GADL1: variants seen among roughly 807,000 people sequenced by gnomAD.
GADL1 encodes the protein acidic amino acid decarboxylase GADL1.
GADL1 carries 71 observed loss-of-function variants against 69.5 expected under a neutral mutation model. The observed-to-expected ratio is 1.02, with a 90% confidence interval of 0.84 to 1.25. The LOEUF (loss-of-function observed/expected upper bound fraction) is 1.25. Ranked by LOEUF, GADL1 falls within the 50% of genes most tolerant of loss-of-function variation. The probability of loss-of-function intolerance (pLI) is 0.00; values close to 1 mark genes in which losing one functional copy is unlikely to be tolerated. For synonymous variants in GADL1, 254 were observed against 214.4 expected (o/e 1.18, Z -1.62); for missense variants, 737 against 631.8 (o/e 1.17, Z -1.79).
intron 14 of GADL1, among the ~76,000 whole-genome samples, chr3:30,764,716 T>A (rs1243119639): frequency 1.3e-5 from 2 of 152,204 alleles, no homozygotes; most frequent in Non-Finnish European, 2.9e-5. Context: ...ATGATAGACA[T>A]GATTAGTACC....
Position 30,739,818 on chromosome 3 carries a change from G to A in GADL1, c.1393-11403C>T, listed in dbSNP as rs148481358. Among the ~76,000 whole-genome samples the A allele has an allele frequency of 3.6e-3, 542 of 152,230 alleles. 4 individuals are homozygous for A. Among genetic ancestry groups the A allele is most frequent in the African/African-American group, 0.013 (525 of 41,546 alleles). ...ATTGAGAAAATGTTAAGTATGAGGT[G>A]TTTGTTCCTCCTGGAAATCTTTATA... On this transcript the variant is annotated intron_variant, in intron 14 of 14. Transcript: ENST00000282538.
At position 30,850,100 on chromosome 3, in the gene GADL1, A is replaced by G. The variant is rs760827851; in HGVS notation, c.547T>C (p.Ser183Pro). The G allele has an allele frequency of 1.2e-5, 19 of 1,587,040 alleles. No individual in the cohort carries two copies. The highest frequency in any genetic ancestry group is 5.0e-5 in the Admixed American group (3 of 59,828). Residue 183 changes from serine (S) to proline (P), a missense_variant, in exon 6 of 15, where the codon TCC (serine) becomes CCC (proline). By Grantham distance (74) the Ser-to-Pro change is moderately conservative. Coordinates refer to ENST00000282538, the MANE Select transcript of GADL1 (RefSeq NM_207359.3). The part of the protein sequence containing the change: ...DGIFNPGGSV[S>P]NMYAMNLARY... ...GCTAAATTCATTGCATACATATTGG[A>G]CACTGAGCCACCTGCAAAAACAAAA...
In GADL1 at chr3:30,873,929, T is replaced by A. The variant is rs190297911; in HGVS notation, c.38-12164A>T. 1.5e-3 allele frequency among the ~76,000 whole-genome samples: 231 copies of A among 152,062 alleles called. 3 individuals are homozygous for A. In the South Asian group the frequency reaches 0.018, roughly 12 times the overall value. On this transcript the variant is annotated intron_variant, in intron 1 of 14. Coordinates refer to ENST00000282538, the MANE Select transcript of GADL1 (RefSeq NM_207359.3). ...GATACAGAAAACTGTACTTACCAAA[T>A]TCCTTTAGAGTTACTAAATGTGATT...
chr3:30,825,532 A>G (rs1362194667), intron 11 of GADL1, among the ~76,000 whole-genome samples: 1 of 151,952 alleles, frequency 6.6e-6, no homozygotes, highest in African/African-American at 2.4e-5. Context: ...ATGTTTTAAG[A>G]TATCTTCCTT....
intron 12 of GADL1, among the ~76,000 whole-genome samples, chr3:30,787,018 G>A (rs1005170421): frequency 6.6e-6 from 1 of 152,110 alleles, no homozygotes; most frequent in African/African-American, 2.4e-5. Flanking sequence ...GACACAGGGA[G>A]GGGAGCAACA....
intron 14 of GADL1, among the ~76,000 whole-genome samples, chr3:30,745,045 G>C (rs1362192142): frequency 4.6e-5 from 7 of 152,124 alleles, no homozygotes; most frequent in Admixed American, 3.3e-4. Context: ...TTAAGTTCTT[G>C]GTTTTCCTAT....
chr3:30,889,124 A>G lies in GADL1; in HGVS notation c.37+5454T>C, dbSNP rs185616856. Among the ~76,000 whole-genome samples the G allele has an allele frequency of 2.8e-3, 396 of 142,370 alleles. 4 individuals carry two copies. Among genetic ancestry groups the G allele is most frequent in the African/African-American group, 1.0e-2 (391 of 39,198 alleles). 93.4% of individuals were successfully genotyped at this position (142,370 alleles called of 152,430 possible). Reference sequence around the variant, plus strand: ...AAAAAAAAAAAAAAAAAGAGGATTAATGGACTCACAGTTCCACATGGCTGG... The same window carrying G: ...AAAAAAAAAAAAAAAAAGAGGATTAGTGGACTCACAGTTCCACATGGCTGG... On this transcript the variant is annotated intron_variant, in intron 1 of 14. Coordinates refer to ENST00000282538, the MANE Select transcript of GADL1 (RefSeq NM_207359.3).
intron 14 of GADL1, among the ~76,000 whole-genome samples, chr3:30,760,299 C>T (rs1390622218): frequency 6.6e-6 from 1 of 152,174 alleles, no homozygotes; most frequent in African/African-American, 2.4e-5. Flanking sequence ...CTTGACCTTA[C>T]ATCTCTTTGT....
intron 14 of GADL1, among the ~76,000 whole-genome samples, chr3:30,766,642 C>A (rs970685595): frequency 1.3e-5 from 2 of 152,254 alleles, no homozygotes; most frequent in Non-Finnish European, 2.9e-5. Context: ...CCAGAACTTT[C>A]ATCCAGGTTT....
intron 14 of GADL1, among the ~76,000 whole-genome samples, chr3:30,764,928 T>G (rs1258278772): frequency 1.7e-5 from 2 of 120,868 alleles, no homozygotes; most frequent in African/African-American, 6.3e-5. Context: ...TAGAACATCC[T>G]GCAAAGAGGG....
intron 14 of GADL1, among the ~76,000 whole-genome samples, chr3:30,763,664 G>C (rs528648448): frequency 6.6e-6 from 1 of 152,076 alleles, no homozygotes; most frequent in African/African-American, 2.4e-5. Context: ...ATAGTGTTGC[G>C]TATCTCAGAA....
chr3:30,740,897 A>AAT (rs1695606764), intron 14 of GADL1, among the ~76,000 whole-genome samples: 3 of 141,948 alleles, frequency 2.1e-5, no homozygotes, highest in South Asian at 2.1e-4. Context: ...TATACAAACA[A>AAT]ACATATATAT....
chr3:30,795,026 A>G (rs1215086151), intron 12 of GADL1, among the ~76,000 whole-genome samples: 2 of 152,176 alleles, frequency 1.3e-5, no homozygotes, highest in African/African-American at 4.8e-5. Flanking sequence ...TATTTTAGCT[A>G]TAAGAGCCTG....
rs527799282 is a variant in GADL1, at chr3:30,882,739, G to T, written c.37+11839C>A. 9.2e-5 allele frequency among the ~76,000 whole-genome samples: 14 copies of T among 151,952 alleles called. No homozygotes were observed. The South Asian group carries it at 2.1e-3, about 23-fold the overall frequency. On this transcript the variant is annotated intron_variant, in intron 1 of 14. Coordinates refer to ENST00000282538, the MANE Select transcript of GADL1 (RefSeq NM_207359.3). ...CTATTTTTTGATTTTTCATTTTAAT[G>T]CTATTTTACATAGCAGTTACACCAT...
chr3:30,891,275 A>AT (rs776323853), intron 1 of GADL1, among the ~76,000 whole-genome samples: 10 of 152,136 alleles, frequency 6.6e-5, no homozygotes, highest in Non-Finnish European at 1.3e-4. Context: ...AGCAGAGCAC[A>AT]TATACATGCC....
chr3:30,867,136 C>G (rs2125539337), intron 1 of GADL1, among the ~76,000 whole-genome samples: 1 of 152,018 alleles, frequency 6.6e-6, no homozygotes, highest in Middle Eastern at 3.4e-3. Flanking sequence ...CAAAAAATTC[C>G]TGGGAAAATT....
intron 11 of GADL1, among the ~76,000 whole-genome samples, chr3:30,829,982 C>T (rs1348534807): frequency 3.3e-5 from 5 of 151,886 alleles, no homozygotes; most frequent in Admixed American, 3.3e-4. Flanking sequence ...TCTGGGGACT[C>T]TTCAAAGAAG....
chr3:30,883,141 G>T (rs1014001798), intron 1 of GADL1, among the ~76,000 whole-genome samples: 1 of 151,818 alleles, frequency 6.6e-6, no homozygotes, highest in African/African-American at 2.4e-5. Context: ...TGCACAAAAG[G>T]TTTTACGTGT....
intron 11 of GADL1, among the ~76,000 whole-genome samples, chr3:30,820,208 T>C (rs1281658511): frequency 6.6e-6 from 1 of 152,008 alleles, no homozygotes; most frequent in East Asian, 1.9e-4. Context: ...AGTAAATTGA[T>C]AGAATTACCT....
Sources: gnomAD v4.1 joint callset for allele counts (sites outside exome capture counted in the v4.1 genomes callset) on GRCh38, gnomAD v4.1.1 for gene constraint, MANE v1.5 for transcripts, NCBI Gene and HGNC (gene_info 2026-07-23, HGNC 2026-07-21) for gene names.